CPLANE1: variants seen among roughly 807,000 people sequenced by gnomAD.
The protein encoded by CPLANE1 is ciliogenesis and planar polarity effector 1.
CPLANE1 carries 263 observed loss-of-function variants against 362.5 expected under a neutral mutation model. The observed-to-expected ratio is 0.73, with a 90% CI of 0.66 to 0.80. The LOEUF (loss-of-function observed/expected upper bound fraction) is 0.80. Among genes scored for constraint, CPLANE1 ranks in the 30% least tolerant of loss-of-function variants. CPLANE1 has a pLI of 0.00. For synonymous variants in CPLANE1, 1,212 were observed against 1,302.6 expected, an observed-to-expected ratio of 0.93 and a Z score of 1.50; for missense variants, 3,461 against 3,793.4, an observed-to-expected ratio of 0.91 and a Z score of 2.30.
At chr5:37,141,420 C>G (rs770085485) in intron 44 of CPLANE1, 1 of 985,046 alleles carries the variant, frequency 1.0e-6, no homozygotes, top group East Asian at 1.1e-4. Context: ...ATATATGATA[C>G]TCAGTCTTCA....
chr5:37,165,015 A>T (rs1045608452), intron 36 of CPLANE1, among the ~76,000 whole-genome samples: 4 of 152,142 alleles, frequency 2.6e-5, no homozygotes, highest in African/African-American at 9.7e-5. Context: ...CTGAAGCAGG[A>T]GGATTGCCCG....
the CPLANE1 span, among the ~76,000 whole-genome samples, chr5:37,086,064 T>C: frequency 6.6e-6 from 1 of 152,078 alleles, no homozygotes; most frequent in African/African-American, 2.4e-5. Flanking sequence ...TAATTACTAA[T>C]AGATCTAAGA....
rs1339350744 is a variant in CPLANE1 at position 37,182,987 on chromosome 5, C to A, written c.5194G>T (p.Asp1732Tyr). ...AAAGTGTTTAGTGCTAAAGGAAGATCTTCTTGAGGGTTAATATCATTGCAC... is the reference window on the plus strand; with the variant it reads ...AAAGTGTTTAGTGCTAAAGGAAGATATTCTTGAGGGTTAATATCATTGCAC... ...IQCNDINPQE[D>Y]LPLALNTFGS... The change falls in exon 26 of 53, where the codon GAT (aspartate) becomes TAT (tyrosine). Residue 1732 changes from aspartate to tyrosine, a missense_variant. Physicochemically the swap from Asp to Tyr is radical, Grantham distance 160. This residue lies in a region of CPLANE1 where 3,380 missense variants were observed against 3,666.1 expected (regional missense o/e 0.92). Transcript: ENST00000651892. The A allele has an allele frequency of 6.2e-7, 1 of 1,609,518 alleles. No individual in the cohort carries two copies. Among genetic ancestry groups the A allele is most frequent in the Non-Finnish European group, 8.5e-7 (1 of 1,177,706 alleles).
At chr5:37,143,040 A>G (rs888900919) in intron 43 of CPLANE1, among the ~76,000 whole-genome samples, 5 of 152,242 alleles carry the variant, frequency 3.3e-5, no homozygotes, top group African/African-American at 4.8e-5. Context: ...GAGAAAAATA[A>G]AAGTCAACTT....
intron 47 of CPLANE1, among the ~76,000 whole-genome samples, chr5:37,123,063 G>A (rs987542060): frequency 1.3e-5 from 2 of 152,144 alleles, no homozygotes; most frequent in Admixed American, 6.5e-5. Context: ...ACTCAATCCT[G>A]TAATTAACCT....
rs761204692 is a variant in CPLANE1, at chr5:37,185,089, A to C, written c.4190-10T>G. 8 of 1,565,034 alleles carry C rather than the reference A, an allele frequency of 5.1e-6. No homozygotes were observed. ...TCCTCAGTCTGGGGTCCTGGAAAGA[A>C]AAGAATAAAAAGTCTTAGTGTTCAT... On this transcript the variant is annotated splice_polypyrimidine_tract_variant and intron_variant, in intron 24 of 52. Transcript: ENST00000651892.
the CPLANE1 span, among the ~76,000 whole-genome samples, chr5:37,096,983 A>G: frequency 6.6e-6 from 1 of 152,172 alleles, no homozygotes; most frequent in African/African-American, 2.4e-5. Flanking sequence ...TACAGCCACT[A>G]TGGAAAACAA....
chr5:37,153,588 G>T, intron 42 of CPLANE1, 152 bp downstream of exon 42: 1 of 738,844 alleles, frequency 1.4e-6, no homozygotes, highest in Non-Finnish European at 2.1e-6. Flanking sequence ...GAATTAACTG[G>T]CTCAAATGTC....
At chr5:37,155,782 T>G (rs978589265) in intron 41 of CPLANE1, among the ~76,000 whole-genome samples, 1 of 152,256 alleles carries the variant, frequency 6.6e-6, no homozygotes, top group African/African-American at 2.4e-5. Context: ...TTTGAAATGC[T>G]GGCCTAACAT....
chr5:37,107,217 T>G lies in CPLANE1; in HGVS notation c.*385A>C. On this transcript the variant is annotated 3_prime_UTR_variant, in exon 53 of 53. Transcript: ENST00000651892. ...TTCTTCTCAATGAAAAGATTTTTTT[T>G]TTTCCTATTAGATTCATCTGTATAT... is the stretch of plus-strand genomic sequence containing the variant. 1 of 993,126 alleles carries G rather than the reference T, an allele frequency of 1.0e-6. No individual in the cohort carries two copies. Among genetic ancestry groups the G allele is most frequent in the Non-Finnish European group, 1.2e-6 (1 of 835,250 alleles). 61.5% of individuals were successfully genotyped at this position (993,126 alleles called of 1,614,324 possible).
the CPLANE1 span, among the ~76,000 whole-genome samples, chr5:37,101,046 C>T: frequency 1 from 152,325 of 152,344 alleles, 76,153 homozygotes; most frequent in Non-Finnish European, 1. Flanking sequence ...TAGGATCACA[C>T]CACCTGCAAA....
rs1779169698 is a variant in CPLANE1 at position 37,169,544 on chromosome 5, A to G, written c.6480T>C (p.Ser2160=). 1.2e-6 allele frequency: 2 copies of G among 1,605,646 alleles called. No individual in the cohort carries two copies. Among genetic ancestry groups the G allele is most frequent in the Admixed American group, 3.4e-5 (2 of 58,442 alleles). The change falls in exon 34 of 53, where the codon AGT becomes AGC. Residue 2160 remains serine (S), a synonymous_variant. Transcript: ENST00000651892. ...GGCCATTTAATTGACATAAAGGAAT[A>G]CTCCCATGTGGAACATTCTGGAAGA... ...TGNVQNVPHG[S]IPLCQLNGQP... is the part of the protein sequence containing the mutation.
At chr5:37,177,049 C>T (rs373538158) in intron 30 of CPLANE1, among the ~76,000 whole-genome samples, 4 of 152,240 alleles carry the variant, frequency 2.6e-5, no homozygotes, top group South Asian at 2.1e-4. Context: ...TAAGCCACCA[C>T]GCCTGGCCAT....
chr5:37,231,515 C>T (rs752999620), intron 8 of CPLANE1, among the ~76,000 whole-genome samples: 2 of 151,458 alleles, frequency 1.3e-5, no homozygotes, highest in African/African-American at 2.4e-5. Context: ...TGCAGTGAGC[C>T]GAGATCATAC....
At chr5:37,226,195 G>A (rs1310957147) in intron 12 of CPLANE1, 109 bp downstream of exon 12, 1 of 746,546 alleles carries the variant, frequency 1.3e-6, no homozygotes, top group Non-Finnish European at 2.0e-6. Context: ...ACACTGAATA[G>A]TACATTTTAA....
chr5:37,221,492 A>G lies in CPLANE1; in HGVS notation c.2582-4T>C. The G allele has an allele frequency of 6.7e-7, 1 of 1,489,722 alleles. No homozygotes were observed. Among genetic ancestry groups the G allele is most frequent in the Non-Finnish European group, 8.9e-7 (1 of 1,124,320 alleles). The allele number at this position is 1,489,722 out of a possible 1,614,324, so 92.3% of individuals were successfully genotyped here. On this transcript the variant is annotated splice_region_variant and splice_polypyrimidine_tract_variant and intron_variant, in intron 14 of 52. Coordinates refer to ENST00000651892, the MANE Select transcript of CPLANE1 (RefSeq NM_001384732.1). Reference sequence around the variant, plus strand: ...AGAAAATACGTCCTTCTTCCTCCTGAAACAAGAAGTAAGCTCACCTTAAAA... The same window carrying G: ...AGAAAATACGTCCTTCTTCCTCCTGGAACAAGAAGTAAGCTCACCTTAAAA...
chr5:37,139,214 A>G, intron 45 of CPLANE1, 126 bp downstream of exon 45: 1 of 941,516 alleles, frequency 1.1e-6, no homozygotes, highest in East Asian at 3.2e-5. Context: ...ATACCCAATG[A>G]AAACTTATAT....
At chr5:37,238,026 A>T (rs947758833) in intron 8 of CPLANE1, among the ~76,000 whole-genome samples, 6 of 152,140 alleles carry the variant, frequency 3.9e-5, no homozygotes, top group Non-Finnish European at 8.8e-5. Context: ...AAAAAACTTT[A>T]AAAAAATTAG....
chr5:37,248,865 C>A (rs1740742921), intron 1 of CPLANE1, among the ~76,000 whole-genome samples: 1 of 152,228 alleles, frequency 6.6e-6, no homozygotes, highest in Middle Eastern at 3.2e-3. Context: ...ATTAGTCAAT[C>A]TTAAAATTGC....
Sources: allele counts gnomAD v4.1 joint callset (sites outside exome capture counted in the v4.1 genomes callset), GRCh38; gene constraint gnomAD v4.1.1; regional missense constraint gnomAD v4.1.1; transcripts MANE v1.5; gene names NCBI Gene and HGNC (gene_info 2026-07-23, HGNC 2026-07-21).